The following ZFP64 variants were observed in gnomAD, a reference collection of about 807,000 sequenced individuals.
ZFP64 encodes the protein zinc finger protein 64.
ZFP64 carries 14 observed loss-of-function variants against 51.6 expected under a neutral mutation model. That is an observed-to-expected ratio of 0.27 (90% confidence interval 0.18 to 0.42). The LOEUF is 0.42. ZFP64 is among the 10% of genes least tolerant of loss of function. The pLI is 1.00. For synonymous variants in ZFP64, 375 were observed against 361.4 expected (o/e 1.04, Z -0.43); for missense variants, 754 against 906.8 (o/e 0.83, Z 2.16).
intron 7 of ZFP64, among the ~76,000 whole-genome samples, chr20:52,094,722 G>A (rs759879903): frequency 2.1e-4 from 32 of 151,818 alleles, no homozygotes; most frequent in Non-Finnish European, 2.8e-4. Context: ...GACAGAGCAA[G>A]AGAAGACCCT....
intron 5 of ZFP64, among the ~76,000 whole-genome samples, chr20:52,134,698 CAAT>C (rs908839482): frequency 6.6e-6 from 1 of 152,080 alleles, no homozygotes; most frequent in Non-Finnish European, 1.5e-5. Context: ...ACAACAACAA[CAAT>C]AACAACAGTA....
At chr20:52,133,915 G>A (rs1287948565) in intron 5 of ZFP64, among the ~76,000 whole-genome samples, 1 of 151,604 alleles carries the variant, frequency 6.6e-6, no homozygotes, top group Admixed American at 6.6e-5. Context: ...TGTGAACCCA[G>A]CTACTCAGGA....
chr20:52,110,748 G>A (rs989632849), intron 5 of ZFP64: 28 of 1,598,694 alleles, frequency 1.8e-5, no homozygotes, highest in Non-Finnish European at 2.3e-5. Context: ...ATGGGACTGG[G>A]TTCTCAAAGT....
chr20:52,090,636 T>TA (rs1187370027), intron 7 of ZFP64, among the ~76,000 whole-genome samples: 5 of 151,822 alleles, frequency 3.3e-5, no homozygotes, highest in African/African-American at 9.7e-5. Context: ...CTGTCTCTAC[T>TA]AAAAATACAA....
At chr20:52,116,371 G>T (rs968430807) in intron 5 of ZFP64, among the ~76,000 whole-genome samples, 3 of 151,756 alleles carry the variant, frequency 2.0e-5, no homozygotes, top group African/African-American at 7.3e-5. Flanking sequence ...CCTGACCTCA[G>T]GTGATCCGCT....
At chr20:52,176,448 T>G (rs543023158) in intron 2 of ZFP64, among the ~76,000 whole-genome samples, 1 of 152,190 alleles carries the variant, frequency 6.6e-6, no homozygotes, top group East Asian at 1.9e-4. Context: ...CAACAAGCCC[T>G]TTGAGCTGTA....
In ZFP64 at chr20:52,142,898, T is replaced by C. The variant is rs1376851190; in HGVS notation, c.763+17225A>G. Among the ~76,000 whole-genome samples, 9 of 137,402 alleles carry C rather than the reference T, an allele frequency of 6.6e-5. 2 individuals carry two copies. The highest frequency in any genetic ancestry group is 9.6e-5 in the Non-Finnish European group (6 of 62,556). The allele number at this position is 137,402 out of a possible 152,430, so 90.1% of individuals were successfully genotyped here. On this transcript the variant is annotated intron_variant, in intron 5 of 8. Coordinates refer to the ZFP64 transcript ENST00000361387. Reference sequence around the variant, plus strand: ...GAGTCCATTGATGTGGCAAACTTTGTTGTTGTCTTATTTTAAGAAATTACT... The same window carrying C: ...GAGTCCATTGATGTGGCAAACTTTGCTGTTGTCTTATTTTAAGAAATTACT...
intron 5 of ZFP64, among the ~76,000 whole-genome samples, chr20:52,103,605 G>A (rs1460934336): frequency 6.6e-6 from 1 of 152,202 alleles, no homozygotes; most frequent in Non-Finnish European, 1.5e-5. Flanking sequence ...GTAGCTCAGT[G>A]CACAGACTTT....
At chr20:52,105,236 A>T (rs755979303) in intron 5 of ZFP64, 1 of 1,338,624 alleles carries the variant, frequency 7.5e-7, no homozygotes, top group Non-Finnish European at 9.5e-7. Flanking sequence ...GCGCCGCGAC[A>T]TGGCGCGAGG....
intron 5 of ZFP64, among the ~76,000 whole-genome samples, chr20:52,137,316 A>G (rs1270635045): frequency 2.6e-5 from 4 of 152,074 alleles, no homozygotes; most frequent in African/African-American, 9.7e-5. Flanking sequence ...TTTCCTGGTA[A>G]CACCATCATT....
intron 5 of ZFP64, among the ~76,000 whole-genome samples, chr20:52,134,425 T>A (rs541999465): frequency 6.6e-6 from 1 of 152,184 alleles, no homozygotes; most frequent in South Asian, 2.1e-4. Context: ...AGCAGGGGGT[T>A]ATTAAGATAT....
At chr20:52,088,965 C>T in intron 7 of ZFP64, 1 of 546,700 alleles carries the variant, frequency 1.8e-6, no homozygotes, top group South Asian at 1.4e-5. Flanking sequence ...TCTTGGGCAG[C>T]TTCATGAACC....
chr20:52,183,812 T>C (rs1249171515), intron 2 of ZFP64, among the ~76,000 whole-genome samples: 3 of 152,172 alleles, frequency 2.0e-5, no homozygotes, highest in Non-Finnish European at 2.9e-5. Flanking sequence ...GCCAAAAAAA[T>C]TCAAACATCA....
chr20:52,091,986 G>A (rs1007336380), intron 7 of ZFP64, among the ~76,000 whole-genome samples: 2 of 151,990 alleles, frequency 1.3e-5, no homozygotes, highest in South Asian at 2.1e-4. Flanking sequence ...GCGAAACTCC[G>A]TCTCAAAACA....
rs567094381 is a variant in ZFP64, at chr20:52,159,047, T to C, written c.763+1076A>G. Among the ~76,000 whole-genome samples the C allele has an allele frequency of 2.0e-5, 3 of 152,298 alleles. No individual in the cohort carries two copies. The East Asian group carries it at 5.8e-4, about 29-fold the overall frequency. ...GGCCAGTGGACAGCCAGCCAGCCCA[T>C]GGCCAGCAGATCCCCAGGGAAATCT... On this transcript the variant is annotated intron_variant, in intron 5 of 5. Transcript: ENST00000216923.
chr20:52,105,467 T>C (rs930642527), intron 5 of ZFP64: 1 of 797,858 alleles, frequency 1.3e-6, no homozygotes, highest in Non-Finnish European at 1.7e-6. Flanking sequence ...CCGCGCCACC[T>C]GGGAGCTCGT....
chr20:52,163,276 G>A (rs543226318), intron 4 of ZFP64, among the ~76,000 whole-genome samples: 19 of 152,240 alleles, frequency 1.2e-4, no homozygotes, highest in Admixed American at 3.3e-4. Flanking sequence ...CAGGAGAATC[G>A]CTTGAACCTG....
At chr20:52,174,613 G>A (rs145193175) in intron 2 of ZFP64, among the ~76,000 whole-genome samples, 4 of 151,394 alleles carry the variant, frequency 2.6e-5, no homozygotes, top group Admixed American at 6.6e-5. Context: ...GTCATTCATC[G>A]AAAACACAAC....
In ZFP64 at chr20:52,152,477, G is replaced by C. The variant is rs147640480; in HGVS notation, c.1715C>G (p.Thr572Ser). ...GGCTCCGTCCGTCTGCTCGTGGGTG[G>C]TCAGCAGGACAGCCGGCTGGGTCAT... The part of the protein sequence containing the change: ...GAMTQPAVLL[T>S]THEQTDGATL... The change falls in exon 6 of 6, where the codon ACC (threonine) becomes AGC (serine). Residue 572 changes from threonine to serine, a missense_variant. This residue lies in a region of ZFP64 where 428 missense variants were observed against 472.4 expected (regional missense o/e 0.91). Coordinates refer to ENST00000216923, the MANE Select transcript of ZFP64 (RefSeq NM_018197.3). 5.3e-3 allele frequency: 8,623 copies of C among 1,612,840 alleles called. 42 individuals are homozygous for C. Among genetic ancestry groups the C allele is most frequent in the Non-Finnish European group, 6.6e-3 (7,828 of 1,179,608 alleles).
Sources: allele counts gnomAD v4.1 joint callset (sites outside exome capture counted in the v4.1 genomes callset), GRCh38; gene constraint gnomAD v4.1.1; regional missense constraint gnomAD v4.1.1; transcripts MANE v1.5; gene names NCBI Gene and HGNC (gene_info 2026-07-23, HGNC 2026-07-21).